Variants in LANCL3 observed in about 807,000 individuals in gnomAD.
LANCL3 encodes lanC-like protein 3.
A neutral mutation model predicts 26.5 loss-of-function variants in LANCL3; 19 were observed. That is an observed-to-expected ratio of 0.72 (90% confidence interval 0.50 to 1.05). LANCL3 has a LOEUF of 1.05. Ranked by LOEUF, LANCL3 falls within the 50% of genes least tolerant of loss-of-function variation. The pLI is 0.00. For synonymous variants in LANCL3, 160 were observed against 166.6 expected, an observed-to-expected ratio of 0.96 and a Z score of 0.30; for missense variants, 318 against 362.7, an observed-to-expected ratio of 0.88 and a Z score of 1.00.
In LANCL3 at chrX:37,571,996, TC is replaced by T; in HGVS notation, c.131del (p.Pro44HisfsTer150). Reference sequence around the variant, plus strand: ...CCATCGAGCGCATCCTCCAGGAGCTTCCCCCACTCGGGGGCGGCGCGGAGGC... The same window carrying T: ...CCATCGAGCGCATCCTCCAGGAGCTTCCCCACTCGGGGGCGGCGCGGAGGC... ...ATIERILQEL[P>X]PLGGGAEARG... On this transcript the variant is annotated frameshift_variant, in exon 1 of 5. Coordinates refer to ENST00000378619, the MANE Select transcript of LANCL3 (RefSeq NM_001170331.2). LOFTEE classifies it high-confidence loss of function. 1 of 1,190,408 alleles carries T rather than the reference TC, an allele frequency of 8.4e-7. No homozygotes were observed. The highest frequency in any genetic ancestry group is 2.3e-5 in the Admixed American group (1 of 43,764).
intron 1 of LANCL3, among the ~76,000 whole-genome samples, chrX:37,600,572 C>CA (rs1480960610): frequency 5.3e-5 from 6 of 112,356 alleles, no homozygotes; most frequent in Non-Finnish European, 7.5e-5. Flanking sequence ...CCACAGGCAA[C>CA]ATCTGTAGCC....
chrX:37,597,462 C>T (rs868961058), intron 1 of LANCL3, among the ~76,000 whole-genome samples: 14 of 111,146 alleles, frequency 1.3e-4, no homozygotes, highest in African/African-American at 4.3e-4. Context: ...CACCATTTTA[C>T]ATCCCCACCA....
At position 37,677,878 on chromosome X, in the gene LANCL3, T is replaced by C. The variant is rs1382377922; in HGVS notation, c.*2065T>C. 1 of 112,030 alleles carries C rather than the reference T, an allele frequency of 8.9e-6. No homozygotes were observed. The highest frequency in any genetic ancestry group is 9.4e-5 in the Admixed American group (1 of 10,584). 9.2% of individuals were successfully genotyped at this position (112,030 alleles called of 1,213,427 possible). On this transcript the variant is annotated 3_prime_UTR_variant, in exon 5 of 5. Coordinates refer to ENST00000378619, the MANE Select transcript of LANCL3 (RefSeq NM_001170331.2). ...ATACAATAGTGAACAAAATAAACTT[T>C]CCCTCAAAGCTACCTTCTGTTTCCA... is the stretch of plus-strand genomic sequence containing the variant.
chrX:37,616,661 A>G (rs1293101574), intron 1 of LANCL3, among the ~76,000 whole-genome samples: 3 of 112,351 alleles, frequency 2.7e-5, no homozygotes, highest in African/African-American at 6.5e-5. Context: ...GGAGAATAGC[A>G]TATGGTTTCT....
chrX:37,662,395 G>A (rs975482431), intron 3 of LANCL3, among the ~76,000 whole-genome samples: 2 of 112,032 alleles, frequency 1.8e-5, no homozygotes, highest in African/African-American at 6.5e-5. Flanking sequence ...GTACAGGAGT[G>A]GGTATTTTTT....
chrX:37,580,484 T>A (rs1233686412), intron 1 of LANCL3, among the ~76,000 whole-genome samples: 1 of 112,190 alleles, frequency 8.9e-6, no homozygotes, highest in Non-Finnish European at 1.9e-5. Flanking sequence ...ATGTGTACAT[T>A]GTGGAATGAG....
At chrX:37,642,098 C>G (rs1432685744) in intron 1 of LANCL3, among the ~76,000 whole-genome samples, 1 of 111,946 alleles carries the variant, frequency 8.9e-6, no homozygotes, top group African/African-American at 3.2e-5. Context: ...TAGGATAGCA[C>G]TTAACGAGAA....
rs35587679 is a variant in LANCL3 at position 37,622,393 on chromosome X, CTT to C, written c.574-33283_574-33282del. Reference sequence around the variant, plus strand: ...AAAAAGAGGGACTTACTATCAAATACTTTTTTTTTTTTTGCAAACTCTATCCC... The same window carrying C: ...AAAAAGAGGGACTTACTATCAAATACTTTTTTTTTTTGCAAACTCTATCCC... On this transcript the variant is annotated intron_variant, in intron 1 of 4. Transcript: ENST00000378619. Among the ~76,000 whole-genome samples the C allele has an allele frequency of 2.3e-3, 238 of 101,290 alleles. 1 individual carries two copies. The highest frequency in any genetic ancestry group is 8.0e-3 in the African/African-American group (220 of 27,599). 88.0% of individuals were successfully genotyped at this position (101,290 alleles called of 115,157 possible).
chrX:37,623,014 CT>C (rs1189393779), intron 1 of LANCL3, among the ~76,000 whole-genome samples: 2 of 111,925 alleles, frequency 1.8e-5, no homozygotes, highest in Non-Finnish European at 3.8e-5. Flanking sequence ...CAATTGGCAC[CT>C]TTTCATAGGC....
At chrX:37,622,920 C>G (rs1925207160) in intron 1 of LANCL3, among the ~76,000 whole-genome samples, 1 of 112,560 alleles carries the variant, frequency 8.9e-6, no homozygotes, top group Non-Finnish European at 1.9e-5. Context: ...CACTATTTCT[C>G]CTTAGCTCCT....
intron 1 of LANCL3, among the ~76,000 whole-genome samples, chrX:37,643,656 G>T (rs896264327): frequency 8.9e-6 from 1 of 112,018 alleles, no homozygotes. Flanking sequence ...AGACATGAAG[G>T]GTCATACATT....
intron 1 of LANCL3, among the ~76,000 whole-genome samples, chrX:37,622,349 A>G (rs1369303139): frequency 9.1e-6 from 1 of 109,466 alleles, no homozygotes; most frequent in Admixed American, 9.7e-5. Context: ...CAGGGTTGTC[A>G]TGATAATGGA....
intron 1 of LANCL3, among the ~76,000 whole-genome samples, chrX:37,622,471 T>G (rs781922062): frequency 9.0e-6 from 1 of 110,755 alleles, no homozygotes; most frequent in East Asian, 2.8e-4. Flanking sequence ...AAAAAAAAAT[T>G]TTTTTAACTT....
chrX:37,599,000 T>G (rs1183756354), intron 1 of LANCL3, among the ~76,000 whole-genome samples: 5 of 112,219 alleles, frequency 4.5e-5, no homozygotes, highest in African/African-American at 6.5e-5. Context: ...AAAAAGTATA[T>G]CTTGGAATTG....
At chrX:37,605,442 C>T (rs1302438176) in intron 1 of LANCL3, among the ~76,000 whole-genome samples, 1 of 111,735 alleles carries the variant, frequency 8.9e-6, no homozygotes, top group Non-Finnish European at 1.9e-5. Flanking sequence ...CAGTGGTGCA[C>T]ATCTTCGGTA....
chrX:37,613,585 T>C (rs1158441895), intron 1 of LANCL3, among the ~76,000 whole-genome samples: 1 of 112,044 alleles, frequency 8.9e-6, no homozygotes, highest in Non-Finnish European at 1.9e-5. Context: ...AGATAACTAC[T>C]CTTGTGACTT....
intron 1 of LANCL3, among the ~76,000 whole-genome samples, chrX:37,638,117 A>G (rs143237754): frequency 0.011 from 1,243 of 111,826 alleles, 11 homozygotes; most frequent in African/African-American, 0.038. Context: ...ACAGAAAAGT[A>G]GAGAAAGAAG....
Position 37,609,593 on chromosome X carries a change from C to T in LANCL3, c.573+37150C>T, listed in dbSNP as rs957871510. Among the ~76,000 whole-genome samples the T allele has an allele frequency of 4.5e-5, 5 of 111,416 alleles. No individual in the cohort carries two copies. In the Admixed American group the frequency reaches 4.8e-4, roughly 11 times the overall value. On this transcript the variant is annotated intron_variant, in intron 1 of 4. Transcript: ENST00000378619. ...AATTTATTAAGTTTACCCAAAGTAC[C>T]TAAGACTCAATCTCTGCTCTAATAA... is the stretch of plus-strand genomic sequence containing the variant.
At chrX:37,576,450 G>C (rs1923750995) in intron 1 of LANCL3, among the ~76,000 whole-genome samples, 1 of 111,450 alleles carries the variant, frequency 9.0e-6, no homozygotes, top group Admixed American at 9.6e-5. Context: ...AGGGATTCTG[G>C]GGAGACCTAG....
Sources: gnomAD v4.1 joint callset for allele counts (sites outside exome capture counted in the v4.1 genomes callset) on GRCh38, gnomAD v4.1.1 for gene constraint, MANE v1.5 for transcripts, NCBI Gene and HGNC (gene_info 2026-07-23, HGNC 2026-07-21) for gene names.